ALDH1A1: variants seen among roughly 807,000 people sequenced by gnomAD.
ALDH1A1 encodes aldehyde dehydrogenase 1A1.
In ALDH1A1, 19 loss-of-function variants were observed where a neutral mutation model predicts 62.1. That is an observed-to-expected ratio of 0.31 (90% CI 0.21 to 0.45). ALDH1A1 has a LOEUF of 0.45. Among genes scored for constraint, ALDH1A1 ranks in the 20% least tolerant of loss-of-function variants. The pLI, the probability that ALDH1A1 is intolerant of heterozygous loss-of-function variation, is 1.00. For synonymous variants in ALDH1A1, 231 were observed against 215.9 expected (o/e 1.07, Z -0.61); for missense variants, 521 against 607.1 (o/e 0.86, Z 1.49).
chr9:72,949,578 A>G (rs1374327817), intron 1 of ALDH1A1, among the ~76,000 whole-genome samples: 4 of 151,866 alleles, frequency 2.6e-5, no homozygotes, highest in Non-Finnish European at 5.9e-5. Context: ...AGGAGTAAAT[A>G]AAATCATTGT....
intron 1 of ALDH1A1, among the ~76,000 whole-genome samples, chr9:72,949,046 G>T (rs899450286): frequency 6.6e-6 from 1 of 151,750 alleles, no homozygotes; most frequent in Non-Finnish European, 1.5e-5. Context: ...ACCCAGAAGG[G>T]TTAAACAAAA....
chr9:72,928,951 T>C lies in ALDH1A1; in HGVS notation c.383A>G (p.Lys128Arg). The C allele has an allele frequency of 1.2e-6, 2 of 1,614,044 alleles. No homozygotes were observed. Among genetic ancestry groups the C allele is most frequent in the African/African-American group, 2.7e-5 (2 of 75,026 alleles). Residue 128 changes from lysine to arginine, a missense_variant, in exon 4 of 13, where the codon AAA becomes AGA. Physicochemically the swap from Lys to Arg is conservative, Grantham distance 26. Transcript: ENST00000297785. The stretch of plus-strand genomic sequence containing the variant: ...CCAACCTGCACAGTAGCGCAATGTT[T>C]TGATGCAGCCTGCTAAATCATTCAG... The part of the protein sequence containing the change: ...AYLNDLAGCI[K>R]TLRYCAGWAD...
chr9:72,944,591 T>C (rs1830454275), intron 1 of ALDH1A1, among the ~76,000 whole-genome samples: 1 of 152,088 alleles, frequency 6.6e-6, no homozygotes, highest in African/African-American at 2.4e-5. Flanking sequence ...AATGGTTATA[T>C]GGAGAAGTCT....
intron 1 of ALDH1A1, among the ~76,000 whole-genome samples, chr9:72,945,475 A>T (rs183074133): frequency 6.6e-6 from 1 of 152,068 alleles, no homozygotes; most frequent in East Asian, 1.9e-4. Flanking sequence ...GGGTGATGAG[A>T]GTCCCCATTT....
chr9:72,925,270 A>G (rs1830190106), intron 6 of ALDH1A1, among the ~76,000 whole-genome samples: 1 of 152,184 alleles, frequency 6.6e-6, no homozygotes, highest in South Asian at 2.1e-4. Context: ...TTTGACACCA[A>G]ACCTTTGTGT....
chr9:72,929,163 A>G, intron 3 of ALDH1A1, 142 bp from the exon 4 acceptor site: 2 of 942,790 alleles, frequency 2.1e-6, no homozygotes, highest in South Asian at 3.6e-5. Flanking sequence ...CCACTTTTTA[A>G]GAGTTAAAAT....
intron 2 of ALDH1A1, among the ~76,000 whole-genome samples, chr9:72,933,069 C>G (rs1029549208): frequency 6.6e-6 from 1 of 152,204 alleles, no homozygotes; most frequent in African/African-American, 2.4e-5. Flanking sequence ...CATGCGCCCC[C>G]TTTTCTCACA....
At position 72,908,613 on chromosome 9, in the gene ALDH1A1, AAGAAAGAAAGAAAG is replaced by A. The variant is rs1471391467; in HGVS notation, c.1358+975_1358+988del. ...AAAGAAAGAAAGAAAGAAAGAAAGA[AAGAAAGAAAGAAAG>A]AGAATATTGCATAGGTCTGATCTAG... On this transcript the variant is annotated intron_variant, in intron 11 of 12. Coordinates refer to ENST00000297785, the MANE Select transcript of ALDH1A1 (RefSeq NM_000689.5). 2.0e-3 allele frequency among the ~76,000 whole-genome samples: 219 copies of A among 111,474 alleles called. 1 individual carries two copies. Among genetic ancestry groups the A allele is most frequent in the African/African-American group, 4.7e-3 (155 of 33,120 alleles). 73.1% of individuals were successfully genotyped at this position (111,474 alleles called of 152,430 possible). A position where few individuals can be genotyped will look rare whatever the true frequency, so the allele number is the denominator to read the frequency against.
rs529407009 is a variant in ALDH1A1 at position 72,939,813 on chromosome 9, C to A, written c.171+335G>T. On this transcript the variant is annotated intron_variant, in intron 2 of 12. Coordinates refer to ENST00000297785, the MANE Select transcript of ALDH1A1 (RefSeq NM_000689.5). Reference sequence around the variant, plus strand: ...GATTACAGGTGTGAGCCACAGCGCCCAGCTGAAGATTTCTCTACTTTATAA... The same window carrying A: ...GATTACAGGTGTGAGCCACAGCGCCAAGCTGAAGATTTCTCTACTTTATAA... 3.9e-5 allele frequency among the ~76,000 whole-genome samples: 6 copies of A among 152,138 alleles called. 1 individual carries two copies. In the South Asian group the frequency reaches 1.2e-3, roughly 32 times the overall value.
At chr9:72,907,664 T>C (rs552384969) in intron 11 of ALDH1A1, among the ~76,000 whole-genome samples, 1 of 152,224 alleles carries the variant, frequency 6.6e-6, no homozygotes, top group African/African-American at 2.4e-5. Flanking sequence ...CAAAATGTTA[T>C]CTGTCTTCTG....
At chr9:72,913,991 T>C (rs1830026155) in intron 9 of ALDH1A1, among the ~76,000 whole-genome samples, 1 of 152,186 alleles carries the variant, frequency 6.6e-6, no homozygotes, top group African/African-American at 2.4e-5. Flanking sequence ...TGACCATATA[T>C]AAACTTGACC....
At chr9:72,908,228 C>T (rs931927224) in intron 11 of ALDH1A1, among the ~76,000 whole-genome samples, 5 of 151,166 alleles carry the variant, frequency 3.3e-5, no homozygotes, top group Middle Eastern at 3.4e-3. Flanking sequence ...GAGACCAGTC[C>T]GGCCAACATG....
rs778739142 is a variant in ALDH1A1, at chr9:72,940,166, C to G, written c.153G>C (p.Gln51His). 3.1e-5 allele frequency: 50 copies of G among 1,612,730 alleles called. No individual in the cohort carries two copies. The highest frequency in any genetic ancestry group is 4.0e-5 in the Non-Finnish European group (47 of 1,179,038). Reference protein sequence around the residue: ...FNPATEEELCQVEEGDKEDVD... With the variant: ...FNPATEEELCHVEEGDKEDVD... Reference sequence around the variant, plus strand: ...AACTCACCTTATCTCCTTCTTCTACCTGGCAGAGCTCCTCCTCAGTTGCAG... The same window carrying G: ...AACTCACCTTATCTCCTTCTTCTACGTGGCAGAGCTCCTCCTCAGTTGCAG... The change falls in exon 2 of 13, where the codon CAG becomes CAC. Residue 51 changes from glutamine to histidine, a missense_variant. Coordinates refer to ENST00000297785, the MANE Select transcript of ALDH1A1 (RefSeq NM_000689.5).
intron 1 of ALDH1A1, among the ~76,000 whole-genome samples, chr9:72,946,548 C>T (rs1167649188): frequency 6.6e-6 from 1 of 151,986 alleles, no homozygotes; most frequent in South Asian, 2.1e-4. Flanking sequence ...ACACCCAAAA[C>T]ATGTCAGCGT....
intron 8 of ALDH1A1, 94 bp downstream of exon 8, chr9:72,918,613 CTTTTTTTTTTTTT>C (rs3079046): frequency 3.2e-5 from 9 of 279,438 alleles, no homozygotes; most frequent in South Asian, 9.7e-5. Context: ...GAAGCAAATG[CTTTTTTTTTTTTT>C]TTTTTTTTTT....
chr9:72,950,433 A>T (rs563205352), intron 1 of ALDH1A1, among the ~76,000 whole-genome samples: 18 of 151,976 alleles, frequency 1.2e-4, no homozygotes, highest in African/African-American at 4.3e-4. Flanking sequence ...ATTTATAGCG[A>T]TGTTTTTGAG....
chr9:72,918,315 G>A (rs1046269046), intron 8 of ALDH1A1, among the ~76,000 whole-genome samples: 3 of 152,162 alleles, frequency 2.0e-5, no homozygotes, highest in Admixed American at 2.0e-4. Flanking sequence ...CCAGAGTGAA[G>A]GGAGAGGGCA....
At chr9:72,927,087 A>G (rs755579217) in intron 5 of ALDH1A1, 29 bp downstream of exon 5, 11 of 1,528,890 alleles carry the variant, frequency 7.2e-6, no homozygotes, top group Non-Finnish European at 9.8e-6. Context: ...TCTTTTTAAA[A>G]TTGAGAATTA....
At chr9:72,903,356 A>G (rs529292868) in intron 12 of ALDH1A1, among the ~76,000 whole-genome samples, 9 of 152,162 alleles carry the variant, frequency 5.9e-5, no homozygotes, top group African/African-American at 2.2e-4. Flanking sequence ...CATACTCTGT[A>G]TCACCTTCAA....
Sources: gnomAD v4.1 joint callset for allele counts (sites outside exome capture counted in the v4.1 genomes callset) on GRCh38, gnomAD v4.1.1 for gene constraint, MANE v1.5 for transcripts, NCBI Gene and HGNC (gene_info 2026-07-23, HGNC 2026-07-21) for gene names.